The following SLC25A20 variants were observed in gnomAD, a reference collection of about 807,000 sequenced individuals.
The protein encoded by SLC25A20 is solute carrier family 25 member 20, also known as mitochondrial carnitine/acylcarnitine carrier protein.
A neutral mutation model predicts 39.7 loss-of-function variants in SLC25A20; 29 were observed. That is an observed-to-expected ratio of 0.73 (90% confidence interval 0.54 to 1.00). The LOEUF (loss-of-function observed/expected upper bound fraction) is 1.00, where lower values mean the gene tolerates loss of function less well. Ranked by LOEUF, SLC25A20 falls within the 50% of genes least tolerant of loss-of-function variation. The pLI is 0.00. For missense variants in SLC25A20, 333 were observed against 379.9 expected, an observed-to-expected ratio of 0.88 and a Z score of 1.03; for synonymous variants, 103 against 142.2, an observed-to-expected ratio of 0.72 and a Z score of 1.96.
At chr3:48,859,332 T>C (rs914768334) in intron 6 of SLC25A20, 131 bp from the exon 7 acceptor site, 9 of 868,170 alleles carry the variant, frequency 1.0e-5, no homozygotes, top group Admixed American at 9.7e-5. Flanking sequence ...ATAAGGCCAG[T>C]GCTGCTGGCA....
intron 1 of SLC25A20, among the ~76,000 whole-genome samples, chr3:48,894,219 CGA>C: frequency 6.9e-6 from 1 of 145,660 alleles, no homozygotes; most frequent in Non-Finnish European, 1.5e-5. Context: ...CTCTCTCTCT[CGA>C]CAGGGTCTTA....
chr3:48,858,568 C>T lies in SLC25A20; in HGVS notation c.782G>A (p.Gly261Glu). The T allele has an allele frequency of 6.2e-7, 1 of 1,614,224 alleles. No individual in the cohort carries two copies. The highest frequency in any genetic ancestry group is 8.5e-7 in the Non-Finnish European group (1 of 1,180,046). Residue 261 changes from glycine (G) to glutamate (E), a missense_variant, in exon 8 of 9, where the codon GGA becomes GAA. Coordinates refer to ENST00000319017, the MANE Select transcript of SLC25A20 (RefSeq NM_000387.6). ...GAACCCTTTGTACAAGGATGTGACTCCTTCATCCCGGATCAGCTCCCTCAG... is the reference window on the plus strand; with the variant it reads ...GAACCCTTTGTACAAGGATGTGACTTCTTCATCCCGGATCAGCTCCCTCAG... ...DVLRELIRDE[G>E]VTSLYKGFNA...
rs368937335 is a variant in SLC25A20, at chr3:48,898,796, G to T, written c.-2C>A. 251 of 1,563,802 alleles carry T rather than the reference G, an allele frequency of 1.6e-4. No homozygotes were observed. The highest frequency in any genetic ancestry group is 2.1e-4 in the Admixed American group (11 of 52,524). On this transcript the variant is annotated 5_prime_UTR_variant, in exon 1 of 9. Coordinates refer to ENST00000319017, the MANE Select transcript of SLC25A20 (RefSeq NM_000387.6). ...GATGGGTTTTGGCTGGTCGGCCATG[G>T]TCAGTCCGTCTGTCACTCCGTCTGT...
intron 4 of SLC25A20, among the ~76,000 whole-genome samples, chr3:48,871,532 C>T (rs563082844): frequency 1.3e-5 from 2 of 152,094 alleles, no homozygotes; most frequent in East Asian, 3.9e-4. Context: ...CTTTGGGAGG[C>T]TGAGGTGGGC....
At chr3:48,883,966 C>T (rs775044669) in intron 3 of SLC25A20, 31 bp downstream of exon 3, 8 of 1,611,298 alleles carry the variant, frequency 5.0e-6, no homozygotes, top group African/African-American at 1.3e-5. Context: ...CCAGGCAGAA[C>T]AGCAAGTGCT....
chr3:48,871,979 C>A (rs556321246), intron 4 of SLC25A20, among the ~76,000 whole-genome samples: 443 of 108,002 alleles, frequency 4.1e-3, no homozygotes, highest in African/African-American at 0.014. Flanking sequence ...CCATGCCCAG[C>A]TAATTTTTTT....
chr3:48,869,782 A>G (rs1202138579), intron 4 of SLC25A20, among the ~76,000 whole-genome samples: 1 of 152,018 alleles, frequency 6.6e-6, no homozygotes, highest in Non-Finnish European at 1.5e-5. Flanking sequence ...ACTACACTCC[A>G]GCCATGCAGC....
chr3:48,881,763 G>A (rs756020874), intron 3 of SLC25A20, among the ~76,000 whole-genome samples: 24 of 152,196 alleles, frequency 1.6e-4, no homozygotes, highest in Admixed American at 1.6e-3. Context: ...TGATACATCC[G>A]TGAGCTGGCA....
At chr3:48,870,703 G>A (rs2083708368) in intron 4 of SLC25A20, among the ~76,000 whole-genome samples, 1 of 150,964 alleles carries the variant, frequency 6.6e-6, no homozygotes. Context: ...AAGAGATGGG[G>A]TTTCGCTATA....
rs79893887 is a variant in SLC25A20 at position 48,884,217 on chromosome 3, C to T, written c.199-93G>A. The T allele has an allele frequency of 9.4e-5, 140 of 1,488,176 alleles. 1 individual carries two copies. In the East Asian group the frequency reaches 2.9e-3, roughly 31 times the overall value. The allele number at this position is 1,488,176 out of a possible 1,614,324, so 92.2% of individuals were successfully genotyped here. On this transcript the variant is annotated intron_variant, in intron 2 of 8. Transcript: ENST00000319017. ...AAGCAGTGTGTCCTCCAAACTGTGG[C>T]TTCCTTCACCTCTTCTTGAAGCAAG...
rs138204184 is a variant in SLC25A20, at chr3:48,881,623, G to A, written c.327-2175C>T. On this transcript the variant is annotated intron_variant, in intron 3 of 8. Coordinates refer to ENST00000319017, the MANE Select transcript of SLC25A20 (RefSeq NM_000387.6). Reference sequence around the variant, plus strand: ...CAGCAGGGCTGACAGGATTGTGGGAGTGGGGTCCTGAGTGTCTTAACTTTG... The same window carrying A: ...CAGCAGGGCTGACAGGATTGTGGGAATGGGGTCCTGAGTGTCTTAACTTTG... 3.3e-3 allele frequency among the ~76,000 whole-genome samples: 506 copies of A among 152,282 alleles called. 2 individuals are homozygous for A. The highest frequency in any genetic ancestry group is 5.9e-3 in the Non-Finnish European group (398 of 68,018).
At chr3:48,867,686 C>T (rs2083682481) in intron 4 of SLC25A20, among the ~76,000 whole-genome samples, 1 of 151,300 alleles carries the variant, frequency 6.6e-6, no homozygotes, top group Admixed American at 6.6e-5. Flanking sequence ...CAAATAATGT[C>T]TGTGGCTGGG....
chr3:48,888,456 G>C (rs915101548), intron 2 of SLC25A20, among the ~76,000 whole-genome samples: 20 of 151,694 alleles, frequency 1.3e-4, no homozygotes, highest in Non-Finnish European at 2.8e-4. Flanking sequence ...TGCAATCCCA[G>C]CTACTCGGGA....
At chr3:48,885,099 C>T (rs2083820444) in intron 2 of SLC25A20, among the ~76,000 whole-genome samples, 1 of 151,910 alleles carries the variant, frequency 6.6e-6, no homozygotes. Context: ...CCTGTCTCTA[C>T]AAAAACAAAT....
chr3:48,871,768 C>CAAA (rs763884203), intron 4 of SLC25A20, among the ~76,000 whole-genome samples: 6 of 61,886 alleles, frequency 9.7e-5, no homozygotes, highest in African/African-American at 3.6e-4. Context: ...AACTCCATCT[C>CAAA]AAAAAAAAAA....
At position 48,884,090 on chromosome 3, in the gene SLC25A20, G is replaced by T. The variant is rs774897635; in HGVS notation, c.233C>A (p.Pro78His). The change falls in exon 3 of 9, where the codon CCT (proline) becomes CAT (histidine). Residue 78 changes from proline to histidine, a missense_variant. Physicochemically the swap from Pro to His is moderately conservative, Grantham distance 77. Transcript: ENST00000319017. ...AAACATGGGAGTGACCCCGATGATA[G>T]GGGCAGCCATTCCCCGATATAGCCC... ...ITGLYRGMAA[P>H]IIGVTPMFAV... 1 of 1,613,784 alleles carries T rather than the reference G, an allele frequency of 6.2e-7. No individual in the cohort carries two copies.
At position 48,862,627 on chromosome 3, in the gene SLC25A20, A is replaced by G. The variant is rs201343314; in HGVS notation, c.450T>C (p.Thr150=). 6 of 1,613,996 alleles carry G rather than the reference A, an allele frequency of 3.7e-6. No individual in the cohort carries two copies. The East Asian group carries it at 1.3e-4, about 36-fold the overall frequency. Residue 150 remains threonine, a synonymous_variant, in exon 5 of 9, where the codon ACT becomes ACC. Coordinates refer to ENST00000319017, the MANE Select transcript of SLC25A20 (RefSeq NM_000387.6). ...IQASSGESKY[T]GTLDCAKKLY... Reference sequence around the variant, plus strand: ...GCTTCTTTGCACAGTCCAAGGTACCAGTGTACTTGCTTTCTCCTGAAGAAG... The same window carrying G: ...GCTTCTTTGCACAGTCCAAGGTACCGGTGTACTTGCTTTCTCCTGAAGAAG...
chr3:48,866,880 G>A (rs1298224811), intron 4 of SLC25A20, among the ~76,000 whole-genome samples: 1 of 151,906 alleles, frequency 6.6e-6, no homozygotes, highest in Non-Finnish European at 1.5e-5. Context: ...GGCAACCTCT[G>A]CCTCCCAGGT....
intron 1 of SLC25A20, among the ~76,000 whole-genome samples, chr3:48,895,255 G>C (rs1010802964): frequency 6.6e-6 from 1 of 152,208 alleles, no homozygotes; most frequent in South Asian, 2.1e-4. Flanking sequence ...TGATCTGCCC[G>C]CCTCAGCCTC....
Sources: gnomAD v4.1 joint callset for allele counts (sites outside exome capture counted in the v4.1 genomes callset) on GRCh38, gnomAD v4.1.1 for gene constraint, MANE v1.5 for transcripts, NCBI Gene and HGNC (gene_info 2026-07-23, HGNC 2026-07-21) for gene names.